The following C10orf143 variants were observed in gnomAD, a reference collection of about 807,000 sequenced individuals.
C10orf143 encodes chromosome 10 open reading frame 143.
chr10:130,050,549 CAG>C (rs1407649745), intron 3 of C10orf143, among the ~76,000 whole-genome samples: 4 of 152,132 alleles, frequency 2.6e-5, no homozygotes, highest in African/African-American at 9.7e-5. Flanking sequence ...ATAAAATAAT[CAG>C]AATCATCTTA....
chr10:130,054,282 C>G (rs1246956353), intron 3 of C10orf143, among the ~76,000 whole-genome samples: 1 of 152,168 alleles, frequency 6.6e-6, no homozygotes, highest in East Asian at 1.9e-4. Flanking sequence ...TATGTTTTTT[C>G]CTGTGTCTGG....
At chr10:130,108,432 CA>C (rs759608610) in intron 1 of C10orf143, 19 of 840,424 alleles carry the variant, frequency 2.3e-5, no homozygotes, top group Non-Finnish European at 2.1e-6. Flanking sequence ...ACGGAACATC[CA>C]AAACCGCAGC....
intron 3 of C10orf143, among the ~76,000 whole-genome samples, chr10:130,045,769 C>T (rs1860661653): frequency 6.6e-6 from 1 of 152,194 alleles, no homozygotes; most frequent in Admixed American, 6.5e-5. Flanking sequence ...GAAGCAAATG[C>T]GATTGCCTCG....
At chr10:130,085,253 A>G (rs1861272178) in intron 1 of C10orf143, among the ~76,000 whole-genome samples, 2 of 152,232 alleles carry the variant, frequency 1.3e-5, no homozygotes, top group Admixed American at 6.5e-5. Flanking sequence ...CAAGATTCGT[A>G]TTAATTGTAA....
intron 3 of C10orf143, among the ~76,000 whole-genome samples, chr10:130,051,244 C>T (rs1264217745): frequency 6.6e-6 from 1 of 151,316 alleles, no homozygotes; most frequent in East Asian, 1.9e-4. Context: ...CTCTCCTACC[C>T]CCGCCTCATT....
downstream of C10orf143, among the ~76,000 whole-genome samples, chr10:130,062,711 C>A (rs1860869764): frequency 6.6e-6 from 1 of 152,200 alleles, no homozygotes; most frequent in Non-Finnish European, 1.5e-5. Context: ...ACCTTGTGAT[C>A]ATGCAAGTCA....
At chr10:130,042,523 T>G (rs551410569) in intron 3 of C10orf143, among the ~76,000 whole-genome samples, 16 of 152,374 alleles carry the variant, frequency 1.1e-4, no homozygotes, top group Admixed American at 4.6e-4. Flanking sequence ...AAGCCCTTTC[T>G]GTGCTGCCCA....
intron 1 of C10orf143, 67 bp downstream of exon 1, chr10:130,110,637 C>A (rs767092378): frequency 1.0e-5 from 4 of 398,304 alleles, no homozygotes; most frequent in South Asian, 1.3e-4. Flanking sequence ...AAAAACGAGG[C>A]GCGGTGGGAA....
chr10:130,076,683 C>T (rs932554156), intron 3 of C10orf143, among the ~76,000 whole-genome samples: 18 of 152,146 alleles, frequency 1.2e-4, no homozygotes, highest in African/African-American at 4.3e-4. Flanking sequence ...ATTTTGGAGA[C>T]CTCTGGCAGA....
At chr10:130,110,571 A>G in intron 1 of C10orf143, 133 bp downstream of exon 1, 1 of 397,172 alleles carries the variant, frequency 2.5e-6, no homozygotes, top group Non-Finnish European at 4.4e-6. Context: ...CCAGGGACGT[A>G]CGCGAGCGTG....
chr10:130,074,777 G>GA, intron 3 of C10orf143, among the ~76,000 whole-genome samples: 2 of 152,208 alleles, frequency 1.3e-5, no homozygotes, highest in Admixed American at 1.3e-4. Flanking sequence ...GAAATACAAA[G>GA]AAAAAATGCA....
intron 3 of C10orf143, among the ~76,000 whole-genome samples, chr10:130,036,865 C>A (rs571270414): frequency 1.3e-5 from 2 of 152,234 alleles, no homozygotes; most frequent in East Asian, 1.9e-4. Flanking sequence ...TCCTGGAGCG[C>A]CCAGCATCCC....
intron 1 of C10orf143, among the ~76,000 whole-genome samples, chr10:130,097,009 G>T: frequency 6.7e-6 from 1 of 148,672 alleles, no homozygotes; most frequent in African/African-American, 2.5e-5. Flanking sequence ...CACCCAGGCT[G>T]GAGTGCAGTG....
intron 1 of C10orf143, among the ~76,000 whole-genome samples, chr10:130,089,034 C>G (rs181066170): frequency 1.5e-4 from 23 of 152,266 alleles, no homozygotes; most frequent in African/African-American, 5.5e-4. Flanking sequence ...AGTCCACACT[C>G]TTGACCAAGT....
intron 3 of C10orf143, among the ~76,000 whole-genome samples, chr10:130,058,336 G>A (rs140830951): frequency 1.5e-4 from 23 of 152,160 alleles, no homozygotes; most frequent in African/African-American, 5.1e-4. Context: ...AGCCTCCTTG[G>A]GCCTCTCCTC....
rs146936491 is a variant in C10orf143 at position 130,070,698 on chromosome 10, T to C, written c.298-6315A>G. 3.3e-3 allele frequency among the ~76,000 whole-genome samples: 506 copies of C among 152,338 alleles called. 6 individuals carry two copies. The highest frequency in any genetic ancestry group is 0.012 in the African/African-American group (481 of 41,580). The stretch of plus-strand genomic sequence containing the variant: ...AATGTTTTTATTCCTTTAGTAGATA[T>C]ATATCAATGTTTCCCATGCTTAAAA... On this transcript the variant is annotated intron_variant, in intron 3 of 3. Coordinates refer to ENST00000637128, the MANE Select transcript of C10orf143 (RefSeq NM_001355042.2).
chr10:130,109,227 G>A (rs1191231409), intron 1 of C10orf143, among the ~76,000 whole-genome samples: 2 of 152,136 alleles, frequency 1.3e-5, no homozygotes, highest in Non-Finnish European at 2.9e-5. Context: ...TCATTTTCCA[G>A]GGCAGTGAAG....
chr10:130,106,222 G>A, intron 1 of C10orf143: 11 of 1,297,228 alleles, frequency 8.5e-6, no homozygotes, highest in Non-Finnish European at 1.2e-5. Context: ...TCCTTTTTCT[G>A]TGGAGAAGTT....
intron 3 of C10orf143, among the ~76,000 whole-genome samples, chr10:130,057,572 C>G (rs1244665940): frequency 2.0e-5 from 3 of 152,212 alleles, no homozygotes; most frequent in African/African-American, 7.2e-5. Flanking sequence ...CGAATCCTAG[C>G]TAAGAGGCAG....
Sources: allele counts gnomAD v4.1 joint callset (sites outside exome capture counted in the v4.1 genomes callset), GRCh38; gene constraint gnomAD v4.1.1; transcripts MANE v1.5; gene names NCBI Gene and HGNC (gene_info 2026-07-23, HGNC 2026-07-21).